The following CNTNAP2 variants were observed in gnomAD, a reference collection of about 807,000 sequenced individuals.
The protein encoded by CNTNAP2 is contactin associated protein 2.
A neutral mutation model predicts 155.2 loss-of-function variants in CNTNAP2; 98 were observed. The observed-to-expected ratio is 0.63, with a 90% CI of 0.54 to 0.75. The LOEUF (loss-of-function observed/expected upper bound fraction) is 0.75, where lower values mean the gene tolerates loss of function less well. CNTNAP2 is among the 30% of genes least tolerant of loss of function. The pLI, the probability that CNTNAP2 is intolerant of heterozygous loss-of-function variation, is 0.00. For synonymous variants in CNTNAP2, 651 were observed against 631.2 expected (o/e 1.03, Z -0.47); for missense variants, 1,727 against 1,688.1 (o/e 1.02, Z -0.40).
chr7:146,448,772 G>A (rs1796437886), intron 1 of CNTNAP2, among the ~76,000 whole-genome samples: 1 of 152,024 alleles, frequency 6.6e-6, no homozygotes, highest in African/African-American at 2.4e-5. Context: ...GAACTATTCT[G>A]TTAACACAAA....
intron 1 of CNTNAP2, among the ~76,000 whole-genome samples, chr7:146,256,747 C>G (rs1799844298): frequency 6.6e-6 from 1 of 151,628 alleles, no homozygotes; most frequent in South Asian, 2.1e-4. Context: ...CATGCCTTAC[C>G]ACAACACGGC....
At chr7:146,620,120 T>G (rs1799293027) in intron 1 of CNTNAP2, among the ~76,000 whole-genome samples, 1 of 152,214 alleles carries the variant, frequency 6.6e-6, no homozygotes, top group Non-Finnish European at 1.5e-5. Context: ...ACAATACTCT[T>G]AAGTCATTGT....
chr7:146,843,573 A>G (rs962632786), intron 3 of CNTNAP2, among the ~76,000 whole-genome samples: 1 of 144,956 alleles, frequency 6.9e-6, no homozygotes, highest in African/African-American at 2.5e-5. Flanking sequence ...TCTGTGACAG[A>G]AATGTTTTAA....
intron 13 of CNTNAP2, among the ~76,000 whole-genome samples, chr7:147,871,703 C>A (rs1434918727): frequency 4.2e-5 from 6 of 144,266 alleles, no homozygotes; most frequent in Middle Eastern, 3.8e-3. Context: ...TATCTTCATT[C>A]TTGAGTTCAT....
intron 8 of CNTNAP2, among the ~76,000 whole-genome samples, chr7:147,273,506 G>A (rs1204426131): frequency 1.3e-5 from 2 of 151,652 alleles, no homozygotes; most frequent in Non-Finnish European, 2.9e-5. Context: ...ACCTTCACCC[G>A]CTCTGACCCA....
chr7:147,775,375 ATT>A (rs1198467648), intron 13 of CNTNAP2, among the ~76,000 whole-genome samples: 20 of 82,288 alleles, frequency 2.4e-4, no homozygotes, highest in East Asian at 5.6e-4. Flanking sequence ...ATATATATAT[ATT>A]TATATATATT....
At chr7:147,163,463 C>A (rs531937342) in intron 8 of CNTNAP2, among the ~76,000 whole-genome samples, 6 of 152,154 alleles carry the variant, frequency 3.9e-5, no homozygotes, top group Non-Finnish European at 8.8e-5. Flanking sequence ...TTATTCTTTT[C>A]TTCAAGTTAC....
At chr7:147,831,230 C>T (rs1412922271) in intron 13 of CNTNAP2, among the ~76,000 whole-genome samples, 3 of 152,114 alleles carry the variant, frequency 2.0e-5, no homozygotes, top group East Asian at 3.8e-4. Context: ...TATGAATACA[C>T]AAGATACAAG....
chr7:147,477,979 A>G (rs7797668), intron 10 of CNTNAP2, among the ~76,000 whole-genome samples: 117,395 of 152,100 alleles, frequency 0.77, 45,590 homozygotes, highest in African/African-American at 0.85. Context: ...CTATCAGTTC[A>G]GTTTTTTCAG....
At chr7:147,910,545 G>A (rs1800043679) in intron 14 of CNTNAP2, among the ~76,000 whole-genome samples, 1 of 152,170 alleles carries the variant, frequency 6.6e-6, no homozygotes, top group Non-Finnish European at 1.5e-5. Flanking sequence ...CATGCTGCTA[G>A]TGAAGAGACA....
chr7:148,169,966 A>G (rs1383521983), intron 17 of CNTNAP2, among the ~76,000 whole-genome samples: 1 of 152,040 alleles, frequency 6.6e-6, no homozygotes, highest in South Asian at 2.1e-4. Flanking sequence ...CCTCAAAAAA[A>G]AAAAGTTTCA....
At chr7:147,746,923 C>T (rs1797053121) in intron 13 of CNTNAP2, among the ~76,000 whole-genome samples, 1 of 152,094 alleles carries the variant, frequency 6.6e-6, no homozygotes, top group South Asian at 2.1e-4. Flanking sequence ...GGCCACAGAT[C>T]TCTCTTTTAT....
At chr7:146,760,615 G>C (rs113500705) in intron 1 of CNTNAP2, among the ~76,000 whole-genome samples, 7,023 of 150,984 alleles carry the variant, frequency 0.047, 542 homozygotes, top group African/African-American at 0.16. Context: ...TGTAGAGATG[G>C]GTTTTCACCA....
chr7:147,745,019 T>A (rs1306015296), intron 13 of CNTNAP2, among the ~76,000 whole-genome samples: 1 of 150,884 alleles, frequency 6.6e-6, no homozygotes, highest in Non-Finnish European at 1.5e-5. Flanking sequence ...AACCATAACC[T>A]ACATAAGTTA....
At chr7:146,631,497 C>T (rs968297223) in intron 1 of CNTNAP2, among the ~76,000 whole-genome samples, 1 of 152,092 alleles carries the variant, frequency 6.6e-6, no homozygotes, top group African/African-American at 2.4e-5. Flanking sequence ...AAATCTACAT[C>T]CTCTTCCATG....
At chr7:148,303,815 G>A (rs986978177) in intron 21 of CNTNAP2, among the ~76,000 whole-genome samples, 1 of 152,200 alleles carries the variant, frequency 6.6e-6, no homozygotes, top group Non-Finnish European at 1.5e-5. Context: ...TAATGGCTAA[G>A]ACAGCCCACT....
At chr7:146,303,767 T>C (rs1455094712) in intron 1 of CNTNAP2, among the ~76,000 whole-genome samples, 2 of 152,200 alleles carry the variant, frequency 1.3e-5, no homozygotes, top group Non-Finnish European at 2.9e-5. Context: ...AAGAGTTCTG[T>C]AAATGTCTAT....
At position 147,741,942 on chromosome 7, in the gene CNTNAP2, C is replaced by T. The variant is rs200633425; in HGVS notation, c.2098+102636C>T. Among the ~76,000 whole-genome samples the T allele has an allele frequency of 2.6e-4, 39 of 152,260 alleles. No individual in the cohort carries two copies. In the East Asian group the frequency reaches 2.9e-3, roughly 11 times the overall value. On this transcript the variant is annotated intron_variant, in intron 13 of 23. Coordinates refer to ENST00000361727, the MANE Select transcript of CNTNAP2 (RefSeq NM_014141.6). ...TTACAAAGGAAAGATATTTATTGGA[C>T]TTACAATTTCACGTGGCTGGGGAGG...
intron 4 of CNTNAP2, among the ~76,000 whole-genome samples, chr7:147,084,431 A>G (rs1448026512): frequency 7.4e-6 from 1 of 135,352 alleles, no homozygotes; most frequent in Non-Finnish European, 1.5e-5. Flanking sequence ...AATGCTATAT[A>G]TGTATATATA....
Sources: gnomAD v4.1 joint callset for allele counts (sites outside exome capture counted in the v4.1 genomes callset) on GRCh38, gnomAD v4.1.1 for gene constraint, MANE v1.5 for transcripts, NCBI Gene and HGNC (gene_info 2026-07-23, HGNC 2026-07-21) for gene names.